Variants in PXK observed in about 807,000 individuals in gnomAD.
PXK encodes PX domain-containing protein kinase-like protein.
PXK carries 35 observed loss-of-function variants against 84.7 expected under a neutral mutation model. The ratio of observed to expected loss-of-function variants is 0.41; its 90% CI spans 0.32 to 0.55. PXK has a LOEUF of 0.55. Among genes scored for constraint, PXK ranks in the 20% least tolerant of loss-of-function variants. The pLI is 0.21. For missense variants in PXK, 634 were observed against 699.7 expected (o/e 0.91, Z 1.06); for synonymous variants, 253 against 260.8 (o/e 0.97, Z 0.29).
chr3:58,421,014 AAC>A lies in PXK; in HGVS notation c.1529-3736_1529-3735del, dbSNP rs1560153641. 1 of 1,001,842 alleles carries A rather than the reference AAC, an allele frequency of 1.0e-6. No individual in the cohort carries two copies. The highest frequency in any genetic ancestry group is 1.2e-6 in the Non-Finnish European group (1 of 840,694). 62.1% of individuals were successfully genotyped at this position (1,001,842 alleles called of 1,614,324 possible). ...GCTTTTATAACTGACGGTAGGGAAA[AAC>A]AGTTCTTTTGTAAGCATCCTTTATA... On this transcript the variant is annotated intron_variant, in intron 17 of 17. Coordinates refer to ENST00000356151, the MANE Select transcript of PXK (RefSeq NM_017771.5). This position sits in a 1 kb window ranked among gnomAD's most constrained non-coding sequence, Gnocchi z 5.5.
At chr3:58,378,492 C>CTTCTTTTTTTTTTTT (rs1451583616) in intron 3 of PXK, among the ~76,000 whole-genome samples, 1 of 24,318 alleles carries the variant, frequency 4.1e-5, no homozygotes, top group African/African-American at 1.4e-4. Context: ...CATTTTTCTT[C>CTTCTTTTTTTTTTTT]TTTTTTTTTT....
At chr3:58,335,675 A>G (rs1263498212) in intron 1 of PXK, among the ~76,000 whole-genome samples, 1 of 151,704 alleles carries the variant, frequency 6.6e-6, no homozygotes, top group African/African-American at 2.4e-5. Context: ...AGACAGAAAC[A>G]TACGGAGTTA....
At chr3:58,373,345 G>T (rs1415773563) in intron 3 of PXK, among the ~76,000 whole-genome samples, 1 of 152,202 alleles carries the variant, frequency 6.6e-6, no homozygotes, top group Admixed American at 6.5e-5. Flanking sequence ...AAAGTGCTGG[G>T]ATTACAGGCG....
rs140709655 is a variant in PXK at position 58,354,270 on chromosome 3, G to A, written c.103-11604G>A. On this transcript the variant is annotated intron_variant, in intron 1 of 17. Transcript: ENST00000356151. ...GAGCCCAGTGTGAGGGATTTCTAGA[G>A]GCTCAGGTTAGATACCAACCGTACC... Among the ~76,000 whole-genome samples the A allele has an allele frequency of 4.0e-3, 613 of 152,244 alleles. 1 individual carries two copies. Among genetic ancestry groups the A allele is most frequent in the African/African-American group, 0.014 (587 of 41,526 alleles).
At chr3:58,334,072 T>C (rs2097545163) in intron 1 of PXK, among the ~76,000 whole-genome samples, 1 of 152,200 alleles carries the variant, frequency 6.6e-6, no homozygotes, top group African/African-American at 2.4e-5. Flanking sequence ...TTGTTTACCA[T>C]TGCAGTGTGT....
rs1317197443 is a variant in PXK at position 58,378,499 on chromosome 3, T to C, written c.202-4015T>C. 8.8e-4 allele frequency among the ~76,000 whole-genome samples: 44 copies of C among 49,808 alleles called. 3 individuals are homozygous for C. The highest frequency in any genetic ancestry group is 2.2e-3 in the African/African-American group (34 of 15,306). 32.7% of individuals were successfully genotyped at this position (49,808 alleles called of 152,430 possible). The stretch of plus-strand genomic sequence containing the variant: ...TTGGACTTCATTTTTCTTCTTTTTT[T>C]TTTTTTTTTTTTTTGTGTGTGTGTG... On this transcript the variant is annotated intron_variant, in intron 3 of 17. Coordinates refer to ENST00000356151, the MANE Select transcript of PXK (RefSeq NM_017771.5).
rs1196115648 is a variant in PXK, at chr3:58,421,770, AGAGT to A, written c.1529-2981_1529-2978del. ...TGGTGGAGAAGATTTTGGGGTGGGT[AGAGT>A]AAGTAGTTGGCTCTCAGGGATTTTG... On this transcript the variant is annotated intron_variant, in intron 17 of 17. Transcript: ENST00000356151. This position sits in a 1 kb window ranked among gnomAD's most constrained non-coding sequence, Gnocchi z 5.5. 3 of 985,364 alleles carry A rather than the reference AGAGT, an allele frequency of 3.0e-6. No individual in the cohort carries two copies. The highest frequency in any genetic ancestry group is 3.6e-6 in the Non-Finnish European group (3 of 829,914). The allele number at this position is 985,364 out of a possible 1,614,324, so 61.0% of individuals were successfully genotyped here.
In PXK at chr3:58,332,974, GC is replaced by G; in HGVS notation, c.-13del. The G allele has an allele frequency of 7.4e-7, 1 of 1,351,306 alleles. No individual in the cohort carries two copies. Among genetic ancestry groups the G allele is most frequent in the Non-Finnish European group, 9.6e-7 (1 of 1,038,340 alleles). The allele number at this position is 1,351,306 out of a possible 1,614,324, so 83.7% of individuals were successfully genotyped here. A position where few individuals can be genotyped will look rare whatever the true frequency, so the allele number is the denominator to read the frequency against. ...TACCTCGCGTCCCTAGGCGGCGGCG[GC>G]CGGGCGTCCCGGGATGGCCTTCATG... On this transcript the variant is annotated 5_prime_UTR_variant, in exon 1 of 18. Coordinates refer to ENST00000356151, the MANE Select transcript of PXK (RefSeq NM_017771.5). This position sits in a 1 kb window ranked among gnomAD's most constrained non-coding sequence, Gnocchi z 5.6.
intron 1 of PXK, among the ~76,000 whole-genome samples, chr3:58,351,376 C>T (rs1034921021): frequency 5.4e-5 from 8 of 148,628 alleles, no homozygotes; most frequent in Non-Finnish European, 7.4e-5. Flanking sequence ...TACAGGTGTG[C>T]GCCACCACAG....
Position 58,409,875 on chromosome 3 carries a change from G to A in PXK, c.1396-215G>A, listed in dbSNP as rs1255295659. ...GTAATGTAATTGGAGGAAACGATTG[G>A]CCTGAGATAGTAAAGTCAGCATTTT... is the stretch of plus-strand genomic sequence containing the variant. On this transcript the variant is annotated intron_variant, in intron 15 of 17. Coordinates refer to ENST00000356151, the MANE Select transcript of PXK (RefSeq NM_017771.5). The surrounding 1 kb of genome is among the most constrained non-coding windows in gnomAD (Gnocchi z 4.2). 6.6e-6 allele frequency among the ~76,000 whole-genome samples: 1 copy of A among 152,154 alleles called. No individual in the cohort carries two copies. Among genetic ancestry groups the A allele is most frequent in the African/African-American group, 2.4e-5 (1 of 41,430 alleles).
chr3:58,353,901 T>C (rs1339362380), intron 1 of PXK, among the ~76,000 whole-genome samples: 1 of 152,228 alleles, frequency 6.6e-6, no homozygotes, highest in African/African-American at 2.4e-5. Flanking sequence ...GAATTTGGAT[T>C]TACCCTGTGA....
intron 4 of PXK, among the ~76,000 whole-genome samples, chr3:58,384,629 C>T (rs2098536013): frequency 6.6e-6 from 1 of 152,180 alleles, no homozygotes; most frequent in Non-Finnish European, 1.5e-5. Context: ...TGTCAGACAG[C>T]AGGCCATCTG....
intron 16 of PXK, among the ~76,000 whole-genome samples, chr3:58,410,505 A>G (rs2060040699): frequency 6.6e-6 from 1 of 152,238 alleles, no homozygotes. Flanking sequence ...ATGAACAGAA[A>G]TGACCTTAAA....
intron 4 of PXK, among the ~76,000 whole-genome samples, chr3:58,389,205 T>C (rs569074206): frequency 6.6e-6 from 1 of 152,292 alleles, no homozygotes; most frequent in Admixed American, 6.5e-5. Context: ...TCGGAGACTT[T>C]CCACAATAGA....
intron 1 of PXK, among the ~76,000 whole-genome samples, chr3:58,361,620 CT>C (rs994124509): frequency 6.6e-6 from 1 of 151,882 alleles, no homozygotes; most frequent in African/African-American, 2.4e-5. Flanking sequence ...TTCAAGATTG[CT>C]TTTTTTTCCA....
intron 13 of PXK, among the ~76,000 whole-genome samples, chr3:58,405,678 CAAA>C (rs58141128): frequency 3.0e-5 from 3 of 99,872 alleles, no homozygotes; most frequent in Non-Finnish European, 2.0e-5. Context: ...GACTCTGTCT[CAAA>C]AAAAAAAAAA....
chr3:58,353,394 A>G (rs2108106332), intron 1 of PXK, among the ~76,000 whole-genome samples: 1 of 152,320 alleles, frequency 6.6e-6, no homozygotes, highest in Middle Eastern at 3.4e-3. Flanking sequence ...TAATACGGTA[A>G]TGATTCTTCA....
chr3:58,369,387 G>C (rs773097200), intron 2 of PXK, 44 bp from the exon 3 acceptor site: 2 of 1,457,162 alleles, frequency 1.4e-6, no homozygotes, highest in Admixed American at 1.7e-5. Flanking sequence ...AATGAAAAGA[G>C]ATAGTCTTTG....
intron 13 of PXK, among the ~76,000 whole-genome samples, chr3:58,405,598 A>C (rs2059269681): frequency 6.6e-6 from 1 of 151,760 alleles, no homozygotes; most frequent in African/African-American, 2.4e-5. Flanking sequence ...AGAATTGCTT[A>C]GACCTGGGAG....
Sources: allele counts gnomAD v4.1 joint callset (sites outside exome capture counted in the v4.1 genomes callset), GRCh38; gene constraint gnomAD v4.1.1; non-coding constraint Gnocchi (gnomAD v3.1); transcripts MANE v1.5; gene names NCBI Gene and HGNC (gene_info 2026-07-23, HGNC 2026-07-21).